DPYS: variants seen among roughly 807,000 people sequenced by gnomAD.
DPYS encodes dihydropyrimidine amidohydrolase.
In DPYS, 39 loss-of-function variants were observed where a neutral mutation model predicts 50.3. The ratio of observed to expected loss-of-function variants is 0.78; its 90% CI spans 0.60 to 1.01. The LOEUF (loss-of-function observed/expected upper bound fraction) is 1.01. Ranked by LOEUF, DPYS falls within the 50% of genes least tolerant of loss-of-function variation. The probability of loss-of-function intolerance (pLI) is 0.00; values close to 1 mark genes in which losing one functional copy is unlikely to be tolerated. For synonymous variants in DPYS, 245 were observed against 250.7 expected (o/e 0.98, Z 0.22); for missense variants, 659 against 680.9 (o/e 0.97, Z 0.36).
intron 8 of DPYS, among the ~76,000 whole-genome samples, chr8:104,386,896 G>A (rs886861593): frequency 6.6e-6 from 1 of 152,142 alleles, no homozygotes; most frequent in Non-Finnish European, 1.5e-5. Flanking sequence ...CCAAAGTGCT[G>A]GGATTACAGG....
intron 1 of DPYS, among the ~76,000 whole-genome samples, chr8:104,466,091 G>C (rs1386226088): frequency 6.6e-6 from 1 of 152,048 alleles, no homozygotes; most frequent in Non-Finnish European, 1.5e-5. Flanking sequence ...GGTAGGGGAC[G>C]GGAACGTGAA....
At chr8:104,410,382 C>T (rs1812134609) in intron 7 of DPYS, among the ~76,000 whole-genome samples, 2 of 152,240 alleles carry the variant, frequency 1.3e-5, no homozygotes, top group South Asian at 4.2e-4. Flanking sequence ...GACTAAAACC[C>T]TCAGACTCTA....
At chr8:104,413,673 G>A (rs1394252664) in intron 7 of DPYS, among the ~76,000 whole-genome samples, 1 of 152,192 alleles carries the variant, frequency 6.6e-6, no homozygotes, top group African/African-American at 2.4e-5. Flanking sequence ...CTGAATAAAT[G>A]TGGTAAGATA....
chr8:104,401,528 T>C (rs2853158), intron 7 of DPYS, among the ~76,000 whole-genome samples: 99,611 of 151,862 alleles, frequency 0.66, 34,669 homozygotes, highest in Middle Eastern at 0.81. Context: ...CTGGAAAGCA[T>C]GCGGTTGATG....
intron 6 of DPYS, among the ~76,000 whole-genome samples, chr8:104,426,610 G>C (rs1812729905): frequency 6.6e-6 from 1 of 152,214 alleles, no homozygotes. Flanking sequence ...GGATTCTGAA[G>C]TGTGAGATAT....
intron 3 of DPYS, among the ~76,000 whole-genome samples, chr8:104,445,902 G>A (rs933748376): frequency 2.9e-4 from 44 of 152,038 alleles, no homozygotes; most frequent in African/African-American, 8.5e-4. Flanking sequence ...ACAATTAGCC[G>A]GGCGTGGTGG....
At position 104,424,238 on chromosome 8, in the gene DPYS, T is replaced by C; in HGVS notation, c.1235+9A>G. 2 of 1,614,102 alleles carry C rather than the reference T, an allele frequency of 1.2e-6. No individual in the cohort carries two copies. Among genetic ancestry groups the C allele is most frequent in the Non-Finnish European group, 1.7e-6 (2 of 1,179,976 alleles). On this transcript the variant is annotated intron_variant, in intron 7 of 9. Coordinates refer to ENST00000351513, the MANE Select transcript of DPYS (RefSeq NM_001385.3). ...AATGAAGCCAAGGAATACAAGAACT[T>C]AGACTTACCTTGTGCCTTTTGGGTC...
chr8:104,429,679 G>A lies in DPYS; in HGVS notation c.816C>T (p.Pro272=), dbSNP rs778808760. 6.2e-7 allele frequency: 1 copy of A among 1,614,026 alleles called. No individual in the cohort carries two copies. The highest frequency in any genetic ancestry group is 1.3e-5 in the African/African-American group (1 of 75,006). Reference sequence around the variant, plus strand: ...CATCTGTGCCAAGACTGGCTGCTATGGGTTCACCATAGACCACCTTCCCTG... The same window carrying A: ...CATCTGTGCCAAGACTGGCTGCTATAGGTTCACCATAGACCACCTTCCCTG... ...RRDGKVVYGE[P]IAASLGTDGT... is the part of the protein sequence containing the mutation. The change falls in exon 5 of 10, where the codon CCC becomes CCT. Residue 272 remains proline, a synonymous_variant. Coordinates refer to ENST00000351513, the MANE Select transcript of DPYS (RefSeq NM_001385.3).
At chr8:104,393,029 C>A in intron 7 of DPYS, 38 bp from the exon 8 acceptor site, 1 of 1,565,722 alleles carries the variant, frequency 6.4e-7, no homozygotes, top group South Asian at 1.1e-5. Context: ...TCTGGATCAT[C>A]ACCAGCTCAC....
intron 4 of DPYS, among the ~76,000 whole-genome samples, chr8:104,433,258 G>A (rs909282848): frequency 6.6e-6 from 1 of 152,084 alleles, no homozygotes; most frequent in African/African-American, 2.4e-5. Flanking sequence ...ACTTTGCAAC[G>A]GCAGCCATAG....
intron 2 of DPYS, 32 bp downstream of exon 2, chr8:104,451,214 A>C: frequency 6.2e-7 from 1 of 1,613,000 alleles, no homozygotes; most frequent in East Asian, 2.2e-5. Flanking sequence ...ACAAGAGGAC[A>C]ATGGGAACAC....
rs767943817 is a variant in DPYS at position 104,381,361 on chromosome 8, T to G, written c.1444-47A>C. The stretch of plus-strand genomic sequence containing the variant: ...CTCTCTTGTGGTTTATTTTCTTGAG[T>G]TCAAAGTTAAGTGTAGCTCCCTTTA... On this transcript the variant is annotated intron_variant, in intron 8 of 9. Transcript: ENST00000351513. 6 of 1,566,030 alleles carry G rather than the reference T, an allele frequency of 3.8e-6. No individual in the cohort carries two copies. In the East Asian group the frequency reaches 1.1e-4, roughly 29 times the overall value.
intron 1 of DPYS, among the ~76,000 whole-genome samples, chr8:104,463,387 G>C (rs1449671306): frequency 6.6e-6 from 1 of 152,170 alleles, no homozygotes; most frequent in Non-Finnish European, 1.5e-5. Flanking sequence ...CTATTTTTGA[G>C]AAAAGATGCC....
intron 8 of DPYS, among the ~76,000 whole-genome samples, chr8:104,388,776 A>G (rs1162510488): frequency 6.6e-6 from 1 of 152,210 alleles, no homozygotes; most frequent in Non-Finnish European, 1.5e-5. Context: ...CAAATCAGAT[A>G]AAAACGTCTT....
chr8:104,411,888 A>C (rs1308277693), intron 7 of DPYS: 1 of 152,208 alleles, frequency 6.6e-6, no homozygotes, highest in Non-Finnish European at 1.5e-5. Context: ...AATTTTCTTC[A>C]GGCAACATAA....
chr8:104,428,082 G>C lies in DPYS; in HGVS notation c.990C>G (p.Phe330Leu), dbSNP rs141994148. The C allele has an allele frequency of 6.2e-7, 1 of 1,614,218 alleles. No individual in the cohort carries two copies. Among genetic ancestry groups the C allele is most frequent in the Non-Finnish European group, 8.5e-7 (1 of 1,180,032 alleles). The change falls in exon 6 of 10, where the codon TTC (phenylalanine) becomes TTG (leucine). Residue 330 changes from phenylalanine to leucine, a missense_variant. Transcript: ENST00000351513. ...TCCCAAGAGCTTTCTGGCAGGTGTT[G>C]AAAGTGCAGTTATCAGTCCCTGTTG... ...LTTTGTDNCT[F>L]NTCQKALGKD...
At chr8:104,448,966 C>T (rs894259332) in intron 2 of DPYS, among the ~76,000 whole-genome samples, 1 of 152,186 alleles carries the variant, frequency 6.6e-6, no homozygotes, top group Non-Finnish European at 1.5e-5. Context: ...GAGAAGGGGC[C>T]TTGTAAGGCT....
At chr8:104,432,252 A>G (rs112040860) in intron 4 of DPYS, among the ~76,000 whole-genome samples, 2 of 152,354 alleles carry the variant, frequency 1.3e-5, no homozygotes, top group African/African-American at 4.8e-5. Flanking sequence ...TTTATGATGC[A>G]ATCTCCCACT....
At chr8:104,450,674 G>A (rs1813707176) in intron 2 of DPYS, among the ~76,000 whole-genome samples, 1 of 152,162 alleles carries the variant, frequency 6.6e-6, no homozygotes, top group South Asian at 2.1e-4. Context: ...CATCTGACCA[G>A]GTGTGGTAAC....
Sources: gnomAD v4.1 joint callset for allele counts (sites outside exome capture counted in the v4.1 genomes callset) on GRCh38, gnomAD v4.1.1 for gene constraint, MANE v1.5 for transcripts, NCBI Gene and HGNC (gene_info 2026-07-23, HGNC 2026-07-21) for gene names.